The following PRDM16 variants were observed in gnomAD, a reference collection of about 807,000 sequenced individuals.
PRDM16 encodes the protein PR/SET domain 16.
PRDM16 carries 23 observed loss-of-function variants against 110.6 expected under a neutral mutation model. That is an observed-to-expected ratio of 0.21 (90% CI 0.15 to 0.29). The LOEUF is 0.29. Ranked by LOEUF, PRDM16 falls within the 10% of genes least tolerant of loss-of-function variation. The probability of loss-of-function intolerance (pLI) is 1.00; values close to 1 mark genes in which losing one functional copy is unlikely to be tolerated. For synonymous variants in PRDM16, 799 were observed against 781.8 expected (o/e 1.02, Z -0.37); for missense variants, 1,615 against 1,794.3 (o/e 0.90, Z 1.81).
chr1:3,250,036 G>A (rs867999094), intron 3 of PRDM16, among the ~76,000 whole-genome samples: 3 of 152,188 alleles, frequency 2.0e-5, no homozygotes, highest in South Asian at 2.1e-4. Context: ...CCAAGGCAGC[G>A]CTGGGCCGTG....
intron 3 of PRDM16, among the ~76,000 whole-genome samples, chr1:3,328,534 G>C (rs548409799): frequency 6.6e-6 from 1 of 152,300 alleles, no homozygotes; most frequent in Admixed American, 6.5e-5. Context: ...TGGGTTCAAA[G>C]GGCACGGGGC....
intron 3 of PRDM16, among the ~76,000 whole-genome samples, chr1:3,311,174 C>T (rs1450559102): frequency 6.6e-6 from 1 of 152,322 alleles, no homozygotes; most frequent in South Asian, 2.1e-4. Context: ...TGTCCTGAGA[C>T]GGAGCCGTCG....
At chr1:3,387,025 A>G (rs1343263135) in intron 4 of PRDM16, 1 of 152,196 alleles carries the variant, frequency 6.6e-6, no homozygotes, top group Non-Finnish European at 1.5e-5. Flanking sequence ...TATTATTAAT[A>G]TTTCGGGGAA....
intron 1 of PRDM16, among the ~76,000 whole-genome samples, chr1:3,178,206 C>T (rs926352584): frequency 1.3e-5 from 2 of 152,208 alleles, no homozygotes; most frequent in Admixed American, 6.5e-5. Flanking sequence ...AATAAAAAAA[C>T]GCCTTTCATG....
chr1:3,266,836 C>T (rs1016295820), intron 3 of PRDM16, among the ~76,000 whole-genome samples: 5 of 152,188 alleles, frequency 3.3e-5, no homozygotes, highest in Non-Finnish European at 5.9e-5. Flanking sequence ...CCCCCACGCC[C>T]GGCTAATATT....
At chr1:3,237,008 G>C (rs1639554386) in intron 2 of PRDM16, among the ~76,000 whole-genome samples, 1 of 152,164 alleles carries the variant, frequency 6.6e-6, no homozygotes, top group Non-Finnish European at 1.5e-5. Flanking sequence ...GCACAGGCCG[G>C]ATGGAGCCCA....
intron 1 of PRDM16, among the ~76,000 whole-genome samples, chr1:3,100,618 C>T (rs866093253): frequency 4.6e-5 from 7 of 152,166 alleles, no homozygotes; most frequent in African/African-American, 9.7e-5. Context: ...CCCCAGTTCC[C>T]GAGGGGCATT....
chr1:3,108,801 C>T (rs976755191), intron 1 of PRDM16, among the ~76,000 whole-genome samples: 2 of 152,086 alleles, frequency 1.3e-5, no homozygotes, highest in African/African-American at 4.8e-5. Context: ...AGGCAGTGCC[C>T]CCTTAGTGCT....
chr1:3,188,070 G>T (rs998730771), intron 2 of PRDM16, among the ~76,000 whole-genome samples: 9 of 152,212 alleles, frequency 5.9e-5, no homozygotes, highest in African/African-American at 2.2e-4. Context: ...GACCTCAGTG[G>T]AGACACTGCC....
chr1:3,377,393 C>A (rs116201975), intron 3 of PRDM16, among the ~76,000 whole-genome samples: 2 of 152,238 alleles, frequency 1.3e-5, no homozygotes, highest in African/African-American at 4.8e-5. Flanking sequence ...GGCGGCTGGC[C>A]ATGCCCACTG....
intron 1 of PRDM16, among the ~76,000 whole-genome samples, chr1:3,130,797 G>GTTT (rs34616112): frequency 7.1e-6 from 1 of 141,364 alleles, no homozygotes; most frequent in African/African-American, 2.7e-5. Context: ...TGGGGGGGCT[G>GTTT]TTTTTTTTTT....
rs1276007676 is a variant in PRDM16 at position 3,245,322 on chromosome 1, G to A, written c.438+1185G>A. On this transcript the variant is annotated intron_variant, in intron 3 of 16. Coordinates refer to ENST00000270722, the MANE Select transcript of PRDM16 (RefSeq NM_022114.4). The surrounding 1 kb of genome is among the most constrained non-coding windows in gnomAD (Gnocchi z 4.7). ...CTGCCAAACTCCCAGTCTCTGAGCC[G>A]AGGCATTTGGGCAGAGCTGCCTACG... Among the ~76,000 whole-genome samples, 2 of 152,172 alleles carry A rather than the reference G, an allele frequency of 1.3e-5. No individual in the cohort carries two copies. Among genetic ancestry groups the A allele is most frequent in the African/African-American group, 4.8e-5 (2 of 41,446 alleles).
In PRDM16 at chr1:3,412,630, C is replaced by T. The variant is rs1177563604; in HGVS notation, c.2433C>T (p.Ala811=). 4 of 1,578,940 alleles carry T rather than the reference C, an allele frequency of 2.5e-6. No homozygotes were observed. The highest frequency in any genetic ancestry group is 2.6e-6 in the Non-Finnish European group (3 of 1,161,840). Residue 811 remains alanine (A), a synonymous_variant, in exon 9 of 17, where the codon GCC becomes GCT. Transcript: ENST00000270722. ...QPLDLSIGSR[A]RASQNGGGRE... is the part of the protein sequence containing the mutation. The stretch of plus-strand genomic sequence containing the variant: ...TGGACCTGAGCATCGGCAGCCGGGC[C>T]CGTGCCAGCCAAAACGGCGGCGGGC...
At position 3,069,552 on chromosome 1, in the gene PRDM16, C is replaced by G. The variant is rs966924920; in HGVS notation, c.37+256C>G. On this transcript the variant is annotated intron_variant, in intron 1 of 16. Coordinates refer to ENST00000270722, the MANE Select transcript of PRDM16 (RefSeq NM_022114.4). This position sits in a 1 kb window ranked among gnomAD's most constrained non-coding sequence, Gnocchi z 6.1. ...CTCCCCGCGGAACCCCCTCCCCCCC[C>G]ACCAGTGTCAGGCGCTCGGGCCCGG... Among the ~76,000 whole-genome samples, 1 of 149,158 alleles carries G rather than the reference C, an allele frequency of 6.7e-6. No homozygotes were observed. Among genetic ancestry groups the G allele is most frequent in the African/African-American group, 2.4e-5 (1 of 41,098 alleles).
Position 3,358,535 on chromosome 1 carries a change from G to A in PRDM16, c.439-26617G>A, listed in dbSNP as rs981226761. 1.3e-5 allele frequency among the ~76,000 whole-genome samples: 2 copies of A among 152,138 alleles called. No homozygotes were observed. The highest frequency in any genetic ancestry group is 2.4e-5 in the African/African-American group (1 of 41,434). Reference sequence around the variant, plus strand: ...ATAAGGTTCCAGTGTTCCCTTTCCCGTCACCAGGCAGAGCCCCGAATTCTC... The same window carrying A: ...ATAAGGTTCCAGTGTTCCCTTTCCCATCACCAGGCAGAGCCCCGAATTCTC... On this transcript the variant is annotated intron_variant, in intron 3 of 16. Transcript: ENST00000270722. The surrounding 1 kb of genome is among the most constrained non-coding windows in gnomAD (Gnocchi z 4.0).
At chr1:3,074,918 G>A (rs968535549) in intron 1 of PRDM16, among the ~76,000 whole-genome samples, 7 of 152,232 alleles carry the variant, frequency 4.6e-5, no homozygotes, top group African/African-American at 7.2e-5. Flanking sequence ...CGTGGGCCAC[G>A]GCTCCTGAAG....
At chr1:3,150,717 G>C (rs961202896) in intron 1 of PRDM16, among the ~76,000 whole-genome samples, 1 of 151,968 alleles carries the variant, frequency 6.6e-6, no homozygotes, top group African/African-American at 2.4e-5. Context: ...ATTTAGACTC[G>C]AGCTTCAAAC....
At chr1:3,326,047 C>T (rs1251248075) in intron 3 of PRDM16, among the ~76,000 whole-genome samples, 6 of 61,058 alleles carry the variant, frequency 9.8e-5, no homozygotes, top group Admixed American at 1.5e-4. Flanking sequence ...CCATCCTCGG[C>T]CCTCTTGGCC....
chr1:3,233,264 A>T (rs1385449851), intron 2 of PRDM16, among the ~76,000 whole-genome samples: 1 of 152,028 alleles, frequency 6.6e-6, no homozygotes, highest in Non-Finnish European at 1.5e-5. Context: ...TGGAGGAGGG[A>T]CCGTCAGCAT....
Sources: gnomAD v4.1 joint callset for allele counts (sites outside exome capture counted in the v4.1 genomes callset) on GRCh38, gnomAD v4.1.1 for gene constraint, Gnocchi (gnomAD v3.1) non-coding constraint, MANE v1.5 for transcripts, NCBI Gene and HGNC (gene_info 2026-07-23, HGNC 2026-07-21) for gene names.